The following PSMA1 variants were observed in gnomAD, a reference collection of about 807,000 sequenced individuals.
PSMA1 encodes the protein proteasome 20S subunit alpha 1, also known as proteasome subunit alpha type-1.
In PSMA1, 3 loss-of-function variants were observed where a neutral mutation model predicts 38.4. That is an observed-to-expected ratio of 0.08 (90% CI 0.04 to 0.20). The LOEUF (loss-of-function observed/expected upper bound fraction) is 0.20. Ranked by LOEUF, PSMA1 falls within the 10% of genes least tolerant of loss-of-function variation. The pLI, the probability that PSMA1 is intolerant of heterozygous loss-of-function variation, is 1.00. For missense variants in PSMA1, 227 were observed against 325.3 expected (o/e 0.70, Z 2.32); for synonymous variants, 101 against 107.1 (o/e 0.94, Z 0.35).
At chr11:14,572,101 T>C (rs1852150127) in intron 2 of PSMA1, among the ~76,000 whole-genome samples, 1 of 152,136 alleles carries the variant, frequency 6.6e-6, no homozygotes, top group African/African-American at 2.4e-5. Flanking sequence ...ATTAGACAGA[T>C]CAACGAAACA....
intron 1 of PSMA1, 140 bp from the exon 2 acceptor site, chr11:14,519,181 T>C (rs746175361): frequency 1.4e-6 from 1 of 738,086 alleles, no homozygotes; most frequent in African/African-American, 1.7e-5. Context: ...AGATTACTAC[T>C]GTACTCAGAT....
intron 1 of PSMA1, among the ~76,000 whole-genome samples, chr11:14,614,158 T>C (rs1204419654): frequency 6.6e-6 from 1 of 152,150 alleles, no homozygotes; most frequent in East Asian, 1.9e-4. Context: ...AAGCAAACAG[T>C]ACTCAGTTTT....
intron 2 of PSMA1, among the ~76,000 whole-genome samples, chr11:14,561,335 G>C (rs1852005460): frequency 6.6e-6 from 1 of 152,142 alleles, no homozygotes; most frequent in Non-Finnish European, 1.5e-5. Flanking sequence ...AGACTGTCCA[G>C]TCCACTATCT....
chr11:14,620,917 C>T (rs1852836054), intron 1 of PSMA1, among the ~76,000 whole-genome samples: 1 of 152,150 alleles, frequency 6.6e-6, no homozygotes, highest in Non-Finnish European at 1.5e-5. Flanking sequence ...AATTTGACCA[C>T]AAAGCTAATG....
chr11:14,527,552 G>GGCCCC (rs1438083144), intron 2 of PSMA1, among the ~76,000 whole-genome samples: 1 of 152,054 alleles, frequency 6.6e-6, no homozygotes, highest in African/African-American at 2.4e-5. Flanking sequence ...GGATTGTTCA[G>GGCCCC]GCCCCTTCCC....
chr11:14,509,260 A>AT (rs1480502399), intron 8 of PSMA1, among the ~76,000 whole-genome samples: 3 of 152,128 alleles, frequency 2.0e-5, no homozygotes, highest in African/African-American at 7.2e-5. Context: ...TAAATCTTTC[A>AT]TTCCAATTAA....
chr11:14,634,027 C>G (rs539551573), intron 1 of PSMA1, among the ~76,000 whole-genome samples: 1 of 152,142 alleles, frequency 6.6e-6, no homozygotes, highest in Non-Finnish European at 1.5e-5. Context: ...CACTGACCTG[C>G]GCCCACTGTC....
chr11:14,629,503 C>G (rs1022832928), intron 1 of PSMA1, among the ~76,000 whole-genome samples: 5 of 151,180 alleles, frequency 3.3e-5, no homozygotes, highest in Non-Finnish European at 1.5e-5. Context: ...TTTCTGAGGG[C>G]TCTGTTCTGT....
chr11:14,642,833 G>T (rs146200009), intron 1 of PSMA1, among the ~76,000 whole-genome samples: 121 of 152,288 alleles, frequency 7.9e-4, no homozygotes, highest in African/African-American at 2.6e-3. Context: ...TTCACAGATA[G>T]CATCTTATTC....
intron 1 of PSMA1, among the ~76,000 whole-genome samples, chr11:14,615,410 C>T (rs1916043): frequency 0.14 from 21,231 of 152,140 alleles, 2,107 homozygotes; most frequent in African/African-American, 0.29. Context: ...CAGTGGGACA[C>T]GCTGAAAGAA....
At chr11:14,642,823 T>C (rs1853233550) in intron 1 of PSMA1, among the ~76,000 whole-genome samples, 1 of 152,158 alleles carries the variant, frequency 6.6e-6, no homozygotes, top group African/African-American at 2.4e-5. Flanking sequence ...TCACCAGTAC[T>C]TCACAGATAG....
intron 1 of PSMA1, among the ~76,000 whole-genome samples, chr11:14,627,025 C>T (rs1412609685): frequency 6.6e-6 from 1 of 152,080 alleles, no homozygotes; most frequent in East Asian, 1.9e-4. Context: ...TTCAGATAGC[C>T]CCCTTCTTGC....
chr11:14,520,421 T>A, upstream of PSMA1: 1 of 1,609,766 alleles, frequency 6.2e-7, no homozygotes. Flanking sequence ...CGGCGCAGGG[T>A]AGCGCAGTCT....
rs1219565897 is a variant in PSMA1, at chr11:14,507,748, C to T, written c.643G>A (p.Val215Ile). 1.9e-6 allele frequency: 3 copies of T among 1,606,846 alleles called. No individual in the cohort carries two copies. The highest frequency in any genetic ancestry group is 2.6e-6 in the Non-Finnish European group (3 of 1,174,680). ...LTTKNVSIGI[V>I]GKDLEFTIYD... ...ATTGTAAACTCCAAGTCTTTACCAA[C>T]AATTCCAATGGAAACATTCTGAAGG... The change falls in exon 9 of 10, where the codon GTT becomes ATT. Residue 215 changes from valine (V) to isoleucine (I), a missense_variant. Physicochemically the swap from Val to Ile is conservative, Grantham distance 29 (BLOSUM62 3). Coordinates refer to ENST00000396394, the MANE Select transcript of PSMA1 (RefSeq NM_002786.4).
intron 2 of PSMA1, among the ~76,000 whole-genome samples, chr11:14,541,556 A>C (rs1366270887): frequency 2.0e-5 from 3 of 152,148 alleles, no homozygotes; most frequent in Non-Finnish European, 4.4e-5. Flanking sequence ...GCTGACCTTT[A>C]ACTAATTGGC....
intron 2 of PSMA1, among the ~76,000 whole-genome samples, chr11:14,525,656 TC>T (rs1851577233): frequency 6.6e-6 from 1 of 152,158 alleles, no homozygotes. Flanking sequence ...ACCCGTACAC[TC>T]TTTTGTCCTC....
intron 2 of PSMA1, among the ~76,000 whole-genome samples, chr11:14,518,565 T>G (rs933922591): frequency 6.6e-6 from 1 of 152,216 alleles, no homozygotes; most frequent in Non-Finnish European, 1.5e-5. Flanking sequence ...ACTACTCATT[T>G]AACAAAAATC....
intron 2 of PSMA1, among the ~76,000 whole-genome samples, chr11:14,600,714 C>G (rs1852571087): frequency 6.6e-6 from 1 of 152,198 alleles, no homozygotes; most frequent in Non-Finnish European, 1.5e-5. Context: ...AGGTTATGCC[C>G]CACCCTGTTT....
At chr11:14,589,460 A>AT (rs1284012112) in intron 2 of PSMA1, among the ~76,000 whole-genome samples, 39 of 150,532 alleles carry the variant, frequency 2.6e-4, no homozygotes, top group Non-Finnish European at 5.6e-4. Flanking sequence ...ATATATATAT[A>AT]TATTTTTTTC....
Sources: gnomAD v4.1 joint callset for allele counts (sites outside exome capture counted in the v4.1 genomes callset) on GRCh38, gnomAD v4.1.1 for gene constraint, MANE v1.5 for transcripts, NCBI Gene and HGNC (gene_info 2026-07-23, HGNC 2026-07-21) for gene names.